Variants in FER1L6 observed in about 807,000 individuals in gnomAD.
The protein encoded by FER1L6 is fer-1 like family member 6.
Under a neutral mutation model 219.2 loss-of-function variants are expected in FER1L6, and 177 were observed. The observed-to-expected ratio is 0.81, with a 90% CI of 0.71 to 0.91. FER1L6 has a LOEUF of 0.91. Ranked by LOEUF, FER1L6 falls within the 40% of genes least tolerant of loss-of-function variation. The pLI is 0.00. For synonymous variants in FER1L6, 768 were observed against 824.3 expected, an observed-to-expected ratio of 0.93 and a Z score of 1.17; for missense variants, 2,153 against 2,259.9, an observed-to-expected ratio of 0.95 and a Z score of 0.96.
chr8:124,067,564 CCT>C (rs1820879065), intron 27 of FER1L6, among the ~76,000 whole-genome samples: 2 of 152,260 alleles, frequency 1.3e-5, no homozygotes, highest in South Asian at 4.1e-4. Flanking sequence ...AGTGCGGATA[CCT>C]CTTTTTTAGG....
chr8:123,864,476 G>A lies in FER1L6; in HGVS notation c.-8+12291G>A, dbSNP rs181488069. Among the ~76,000 whole-genome samples, 563 of 150,542 alleles carry A rather than the reference G, an allele frequency of 3.7e-3. 33 individuals are homozygous for A. The highest frequency in any genetic ancestry group is 0.014 in the African/African-American group (542 of 40,010). On this transcript the variant is annotated intron_variant, in intron 1 of 40. Coordinates refer to ENST00000522917, the MANE Select transcript of FER1L6 (RefSeq NM_001039112.2). The stretch of plus-strand genomic sequence containing the variant: ...TGTGTCTTGGAAAGTTGCTCTTCTC[G>A]AGGAGTATCTTTGTGGCGTTCTCTG...
intron 1 of FER1L6, among the ~76,000 whole-genome samples, chr8:123,924,406 G>T (rs1484019475): frequency 1.3e-5 from 2 of 151,456 alleles, no homozygotes; most frequent in African/African-American, 4.9e-5. Context: ...GCCGGGCATG[G>T]CGGCAGATGC....
intron 1 of FER1L6, among the ~76,000 whole-genome samples, chr8:123,874,558 G>A (rs753662916): frequency 1.3e-4 from 20 of 152,134 alleles, no homozygotes; most frequent in Non-Finnish European, 2.2e-4. Context: ...CTTCAACTCC[G>A]CTACCAATAC....
rs567987694 is a variant in FER1L6 at position 123,961,505 on chromosome 8, GTTA to G, written c.77-1772_77-1770del. ...AGGTAGACTTTATTTTTTATGAAGG[GTTA>G]CAGCCTGCCAGGTGCCCATTTTGAT... On this transcript the variant is annotated intron_variant, in intron 2 of 40. Transcript: ENST00000522917. Among the ~76,000 whole-genome samples the G allele has an allele frequency of 2.8e-3, 425 of 152,270 alleles. 2 individuals are homozygous for G. The highest frequency in any genetic ancestry group is 9.7e-3 in the African/African-American group (402 of 41,548).
Position 124,049,680 on chromosome 8 carries a change from C to A in FER1L6, c.2798C>A (p.Pro933His). Reference protein sequence around the residue: ...VKLADQDYEPPRLCYHPIFCG... With the variant: ...VKLADQDYEPHRLCYHPIFCG... ...CTGGCTGACCAGGACTATGAGCCCC[C>A]CAGGTTATGCTATCACCCCATCTTT... The change falls in exon 22 of 41, where the codon CCC (proline) becomes CAC (histidine). Residue 933 changes from proline (P) to histidine (H), a missense_variant. By Grantham distance (77) the Pro-to-His change is moderately conservative (BLOSUM62 -2). Transcript: ENST00000522917. 2.5e-6 allele frequency: 4 copies of A among 1,614,060 alleles called. No individual in the cohort carries two copies. Among genetic ancestry groups the A allele is most frequent in the Non-Finnish European group, 3.4e-6 (4 of 1,179,980 alleles).
intron 1 of FER1L6, among the ~76,000 whole-genome samples, chr8:123,932,697 G>A (rs1813820083): frequency 6.6e-6 from 1 of 152,154 alleles, no homozygotes; most frequent in African/African-American, 2.4e-5. Flanking sequence ...AGGAACCTGG[G>A]CAACTTACAG....
chr8:123,910,190 C>T (rs1586456482), intron 1 of FER1L6, among the ~76,000 whole-genome samples: 2 of 152,282 alleles, frequency 1.3e-5, no homozygotes, highest in Admixed American at 6.5e-5. Flanking sequence ...ATCTGCTGAT[C>T]AGTGGTCTAG....
At chr8:124,048,546 T>C (rs186893890) in intron 21 of FER1L6, among the ~76,000 whole-genome samples, 1 of 152,210 alleles carries the variant, frequency 6.6e-6, no homozygotes, top group Non-Finnish European at 1.5e-5. Flanking sequence ...ATGGCCTACA[T>C]ACATACATAC....
chr8:123,858,874 A>G (rs372227262), intron 1 of FER1L6, among the ~76,000 whole-genome samples: 1 of 152,246 alleles, frequency 6.6e-6, no homozygotes, highest in African/African-American at 2.4e-5. Flanking sequence ...CCAGGGCGGT[A>G]TTGCCCCTGT....
intron 33 of FER1L6, among the ~76,000 whole-genome samples, chr8:124,087,875 G>C (rs1403260707): frequency 6.6e-6 from 1 of 152,158 alleles, no homozygotes. Flanking sequence ...TAAGATCCAG[G>C]AGAATTCCCT....
At chr8:124,035,184 GGT>G in intron 18 of FER1L6, 91 bp from the exon 19 acceptor site, 8 of 1,328,490 alleles carry the variant, frequency 6.0e-6, no homozygotes, top group Non-Finnish European at 7.3e-6. Flanking sequence ...CATACTTCCA[GGT>G]GTGTCTCCAG....
intron 12 of FER1L6, among the ~76,000 whole-genome samples, chr8:123,988,451 C>G (rs1474927352): frequency 6.6e-6 from 1 of 152,164 alleles, no homozygotes; most frequent in African/African-American, 2.4e-5. Flanking sequence ...TCTTCCAATC[C>G]ATGAACATGG....
At chr8:123,956,167 A>T in intron 2 of FER1L6, 93 bp downstream of exon 2, 1 of 1,119,318 alleles carries the variant, frequency 8.9e-7, no homozygotes, top group South Asian at 1.3e-5. Context: ...TCTCAATGGG[A>T]GCGAGGGGGA....
In FER1L6 at chr8:124,111,959, A is replaced by G. The variant is rs775333998; in HGVS notation, c.5290-6885A>G. Reference sequence around the variant, plus strand: ...TTGCTCTGGTTCAAATGCCTCTGACACTCTTTCCCCCTTAAGTAACCAATA... The same window carrying G: ...TTGCTCTGGTTCAAATGCCTCTGACGCTCTTTCCCCCTTAAGTAACCAATA... On this transcript the variant is annotated intron_variant, in intron 39 of 40. Coordinates refer to ENST00000522917, the MANE Select transcript of FER1L6 (RefSeq NM_001039112.2). The surrounding 1 kb of genome is among the most constrained non-coding windows in gnomAD (Gnocchi z 5.0). Among the ~76,000 whole-genome samples, 6 of 152,032 alleles carry G rather than the reference A, an allele frequency of 3.9e-5. No homozygotes were observed. Among genetic ancestry groups the G allele is most frequent in the Non-Finnish European group, 7.4e-5 (5 of 68,004 alleles).
intron 1 of FER1L6, among the ~76,000 whole-genome samples, chr8:123,922,975 C>G (rs553644669): frequency 1.7e-4 from 25 of 151,256 alleles, no homozygotes; most frequent in Admixed American, 2.6e-4. Flanking sequence ...TTATACAGCC[C>G]CCCCCCAGAC....
chr8:123,917,974 G>A (rs1813238048), intron 1 of FER1L6, among the ~76,000 whole-genome samples: 3 of 152,228 alleles, frequency 2.0e-5, no homozygotes, highest in East Asian at 3.9e-4. Context: ...TTGAACTAAT[G>A]AAGTTTGTGC....
rs181859094 is a variant in FER1L6, at chr8:123,979,181, T to C, written c.1064-1284T>C. Among the ~76,000 whole-genome samples the C allele has an allele frequency of 7.0e-4, 106 of 152,288 alleles. 1 individual carries two copies. The highest frequency in any genetic ancestry group is 1.1e-3 in the Non-Finnish European group (78 of 68,010). On this transcript the variant is annotated intron_variant, in intron 10 of 40. Transcript: ENST00000522917. ...ACATCTAATTGTCAACACTGGGGGATTGTTAAGCAGATTATGATATATTTG... is the reference window on the plus strand; with the variant it reads ...ACATCTAATTGTCAACACTGGGGGACTGTTAAGCAGATTATGATATATTTG...
rs1411459057 is a variant in FER1L6 at position 124,023,454 on chromosome 8, C to T, written c.2144C>T (p.Thr715Ile). The stretch of plus-strand genomic sequence containing the variant: ...CCTCTATTCCCACAGCCCCAGCACA[C>T]TATCCCTGACGTTTTCATCTGGATG... ...IRFLVDEPQH[T>I]IPDVFIWMLS... The change falls in exon 18 of 41, where the codon ACT becomes ATT. Residue 715 changes from threonine to isoleucine, a missense_variant. Transcript: ENST00000522917. 6.2e-7 allele frequency: 1 copy of T among 1,614,054 alleles called. No homozygotes were observed. The highest frequency in any genetic ancestry group is 1.7e-5 in the Admixed American group (1 of 60,012).
intron 39 of FER1L6, among the ~76,000 whole-genome samples, chr8:124,109,948 CAATA>C (rs1454995437): frequency 6.6e-6 from 1 of 152,180 alleles, no homozygotes; most frequent in Non-Finnish European, 1.5e-5. Context: ...CCACACGTGA[CAATA>C]AAGCTACAAC....
Sources: gnomAD v4.1 joint callset for allele counts (sites outside exome capture counted in the v4.1 genomes callset) on GRCh38, gnomAD v4.1.1 for gene constraint, Gnocchi (gnomAD v3.1) non-coding constraint, MANE v1.5 for transcripts, NCBI Gene and HGNC (gene_info 2026-07-23, HGNC 2026-07-21) for gene names.